Variants in DRC8 observed in about 807,000 individuals in gnomAD.
DRC8 encodes the protein dynein regulatory complex protein 8.
chr1:245,124,180 A>C, the DRC8 span: 9 of 182,340 alleles, frequency 4.9e-5, no homozygotes, highest in Non-Finnish European at 9.4e-5. Context: ...CCCATGTGAC[A>C]TGAAGTTGGT....
At chr1:244,987,482 G>C in the DRC8 span, among the ~76,000 whole-genome samples, 1 of 152,066 alleles carries the variant, frequency 6.6e-6, no homozygotes, top group Non-Finnish European at 1.5e-5. Flanking sequence ...TGGGATTACA[G>C]GTGTGAGCCA....
chr1:244,970,452 G>A, the DRC8 span: 236 of 1,525,732 alleles, frequency 1.5e-4, 1 homozygote, highest in South Asian at 2.3e-3. Flanking sequence ...AGGTAAGGTA[G>A]GGGAGCCGGG....
chr1:245,002,286 C>G, the DRC8 span: 3 of 1,440,992 alleles, frequency 2.1e-6, no homozygotes, highest in Non-Finnish European at 2.9e-6. Flanking sequence ...TTAACCATCT[C>G]TCTGCCTCCA....
At chr1:244,991,412 G>A in the DRC8 span, among the ~76,000 whole-genome samples, 29 of 152,152 alleles carry the variant, frequency 1.9e-4, no homozygotes, top group East Asian at 3.1e-3. Context: ...TGGTTGGTTC[G>A]ATCACTGGCC....
At chr1:244,975,763 G>C in the DRC8 span, among the ~76,000 whole-genome samples, 2 of 152,118 alleles carry the variant, frequency 1.3e-5, no homozygotes, top group Non-Finnish European at 2.9e-5. Context: ...AGGAGGCTGA[G>C]GCAGGAGAAT....
chr1:245,096,259 T>C, the DRC8 span, among the ~76,000 whole-genome samples: 2 of 152,240 alleles, frequency 1.3e-5, no homozygotes, highest in African/African-American at 4.8e-5. Context: ...CACAGTAGAC[T>C]TAGCAGGAAA....
At chr1:244,986,245 A>G in the DRC8 span, among the ~76,000 whole-genome samples, 1 of 152,136 alleles carries the variant, frequency 6.6e-6, no homozygotes, top group African/African-American at 2.4e-5. Context: ...ATGAGCCACC[A>G]TGCCTGGTCT....
the DRC8 span, among the ~76,000 whole-genome samples, chr1:245,052,488 C>A: frequency 6.6e-6 from 1 of 152,180 alleles, no homozygotes; most frequent in African/African-American, 2.4e-5. Context: ...GCAGCCAACC[C>A]GCAGGATGGC....
At chr1:245,004,457 A>G in the DRC8 span, among the ~76,000 whole-genome samples, 21 of 150,834 alleles carry the variant, frequency 1.4e-4, no homozygotes, top group Non-Finnish European at 1.8e-4. Context: ...TATGTTACCC[A>G]GTCTCAAACT....
At chr1:245,108,542 C>T in the DRC8 span, among the ~76,000 whole-genome samples, 6 of 152,168 alleles carry the variant, frequency 3.9e-5, no homozygotes, top group African/African-American at 1.2e-4. Context: ...TTCATCTCTC[C>T]CAGTAGCCTC....
chr1:245,024,340 G>A, the DRC8 span, among the ~76,000 whole-genome samples: 6 of 152,022 alleles, frequency 3.9e-5, no homozygotes, highest in East Asian at 3.9e-4. Flanking sequence ...ACTTTTTCTC[G>A]GTAAATTATT....
the DRC8 span, among the ~76,000 whole-genome samples, chr1:245,001,855 T>A: frequency 6.6e-6 from 1 of 152,216 alleles, no homozygotes; most frequent in African/African-American, 2.4e-5. Flanking sequence ...CAGTTCTCTT[T>A]TCCCTAGCTA....
the DRC8 span, among the ~76,000 whole-genome samples, chr1:245,080,201 CT>C: frequency 1.3e-5 from 2 of 152,130 alleles, no homozygotes; most frequent in Non-Finnish European, 2.9e-5. Context: ...GAATTGGGAT[CT>C]TTGAGCCTTT....
At chr1:245,112,253 T>C in the DRC8 span, among the ~76,000 whole-genome samples, 42 of 152,298 alleles carry the variant, frequency 2.8e-4, no homozygotes, top group African/African-American at 9.4e-4. Flanking sequence ...TTTGTATTTT[T>C]ACTAGAGATG....
the DRC8 span, chr1:245,002,116 G>C: frequency 1.3e-6 from 2 of 1,596,030 alleles, no homozygotes; most frequent in Non-Finnish European, 1.7e-6. Context: ...TCTCCTTTAT[G>C]CTAGGGCCTG....
At chr1:245,058,283 G>GA in the DRC8 span, among the ~76,000 whole-genome samples, 7 of 150,482 alleles carry the variant, frequency 4.7e-5, no homozygotes, top group African/African-American at 1.2e-4. Flanking sequence ...CTATATGAAA[G>GA]AAAAAAAACA....
the DRC8 span, among the ~76,000 whole-genome samples, chr1:245,103,725 A>G: frequency 8.2e-3 from 1,116 of 136,058 alleles, 9 homozygotes; most frequent in Middle Eastern, 0.022. Flanking sequence ...TGGTCAGGAG[A>G]GGGGACCGGA....
the DRC8 span, among the ~76,000 whole-genome samples, chr1:245,104,502 A>G: frequency 7.1e-6 from 1 of 141,396 alleles, no homozygotes; most frequent in Non-Finnish European, 1.5e-5. Flanking sequence ...AGACTCTGTC[A>G]TAAAAAAAAA....
At chr1:245,043,458 A>G in the DRC8 span, among the ~76,000 whole-genome samples, 3 of 152,100 alleles carry the variant, frequency 2.0e-5, no homozygotes, top group African/African-American at 7.2e-5. Context: ...AGAAAGAAAG[A>G]AAAAGAAATC....
Sources: gnomAD v4.1 joint callset for allele counts (sites outside exome capture counted in the v4.1 genomes callset) on GRCh38, gnomAD v4.1.1 for gene constraint, MANE v1.5 for transcripts, NCBI Gene and HGNC (gene_info 2026-07-23, HGNC 2026-07-21) for gene names.